KAZN: variants seen among roughly 807,000 people sequenced by gnomAD.
KAZN encodes the protein kazrin, periplakin interacting protein.
Under a neutral mutation model 87.4 loss-of-function variants are expected in KAZN, and 40 were observed. That is an observed-to-expected ratio of 0.46 (90% CI 0.36 to 0.60). The LOEUF (loss-of-function observed/expected upper bound fraction) is 0.60. Among genes scored for constraint, KAZN ranks in the 20% least tolerant of loss-of-function variants. The pLI, the probability that KAZN is intolerant of heterozygous loss-of-function variation, is 0.00. For synonymous variants in KAZN, 466 were observed against 458.3 expected, an observed-to-expected ratio of 1.02 and a Z score of -0.22; for missense variants, 898 against 1,073.9, an observed-to-expected ratio of 0.84 and a Z score of 2.29.
At chr1:14,744,648 A>T (rs1644211721) in intron 1 of KAZN, among the ~76,000 whole-genome samples, 3 of 152,164 alleles carry the variant, frequency 2.0e-5, no homozygotes, top group African/African-American at 7.2e-5. Flanking sequence ...AGGCAGGAAG[A>T]TCACTTGAGC....
At chr1:14,481,753 T>C (rs1171513979) in intron 2 of KAZN, among the ~76,000 whole-genome samples, 2 of 150,376 alleles carry the variant, frequency 1.3e-5, no homozygotes, top group Non-Finnish European at 3.0e-5. Context: ...GAGAGAGAGA[T>C]TGTGGAGAGG....
intron 2 of KAZN, among the ~76,000 whole-genome samples, chr1:14,519,713 C>A (rs1413388025): frequency 6.6e-6 from 1 of 152,058 alleles, no homozygotes. Context: ...GCCAGAGCAC[C>A]CTGGACCCTG....
At chr1:14,518,124 T>C (rs972800418) in intron 2 of KAZN, among the ~76,000 whole-genome samples, 2 of 151,748 alleles carry the variant, frequency 1.3e-5, no homozygotes, top group African/African-American at 4.8e-5. Flanking sequence ...ATGGGGTAGT[T>C]AGTCTCTGTC....
chr1:14,566,007 A>G (rs1674528446), intron 2 of KAZN, among the ~76,000 whole-genome samples: 1 of 152,236 alleles, frequency 6.6e-6, no homozygotes, highest in Non-Finnish European at 1.5e-5. Flanking sequence ...TCTCCCATGA[A>G]TTACAAATGT....
At chr1:14,721,226 T>TG (rs376154189) in intron 1 of KAZN, among the ~76,000 whole-genome samples, 51 of 152,280 alleles carry the variant, frequency 3.3e-4, no homozygotes, top group African/African-American at 1.2e-3. Flanking sequence ...AATTGAATCA[T>TG]GGGGGTGGTT....
intron 1 of KAZN, among the ~76,000 whole-genome samples, chr1:14,662,946 T>TATATA (rs1464647083): frequency 6.9e-6 from 1 of 145,078 alleles, no homozygotes; most frequent in Non-Finnish European, 1.5e-5. Flanking sequence ...TATATGTAAA[T>TATATA]ATATATATAT....
intron 1 of KAZN, among the ~76,000 whole-genome samples, chr1:14,781,587 G>A (rs1015272603): frequency 2.6e-5 from 4 of 152,208 alleles, no homozygotes; most frequent in Admixed American, 2.0e-4. Flanking sequence ...GGTCCAGATA[G>A]GAGGGGACCT....
intron 2 of KAZN, among the ~76,000 whole-genome samples, chr1:14,574,981 G>A (rs1025295291): frequency 6.6e-6 from 1 of 152,200 alleles, no homozygotes; most frequent in African/African-American, 2.4e-5. Flanking sequence ...AGCTTAAGCA[G>A]CAGGTAGAAA....
intron 1 of KAZN, among the ~76,000 whole-genome samples, chr1:14,721,869 A>G (rs1643126947): frequency 6.6e-6 from 1 of 152,176 alleles, no homozygotes; most frequent in African/African-American, 2.4e-5. Flanking sequence ...ATGGTAAGGA[A>G]TAGACCGGGT....
chr1:14,922,709 T>C lies in KAZN; in HGVS notation c.227-37975T>C, dbSNP rs149339083. On this transcript the variant is annotated intron_variant, in intron 1 of 14. Transcript: ENST00000376030. ...CAGGAGGCTGAGGCAGGAGAATCGC[T>C]TGAACCCGGGAGGCGGAAGTTGCAG... is the stretch of plus-strand genomic sequence containing the variant. Among the ~76,000 whole-genome samples the C allele has an allele frequency of 3.5e-3, 532 of 151,134 alleles. 4 individuals are homozygous for C. Among genetic ancestry groups the C allele is most frequent in the South Asian group, 0.014 (67 of 4,778 alleles).
In KAZN at chr1:14,241,826, A is replaced by G. The variant is rs184111564; in HGVS notation, c.249+61234A>G. Reference sequence around the variant, plus strand: ...CAGAAAATAAAAGAAGTTGATTTTCATAATATCTGTCTCTTAAAAAAATTC... The same window carrying G: ...CAGAAAATAAAAGAAGTTGATTTTCGTAATATCTGTCTCTTAAAAAAATTC... On this transcript the variant is annotated intron_variant, in intron 2 of 16. Coordinates refer to the KAZN transcript ENST00000636203. Among the ~76,000 whole-genome samples the G allele has an allele frequency of 4.9e-4, 74 of 152,370 alleles. No homozygotes were observed. In the East Asian group the frequency reaches 6.4e-3, roughly 13 times the overall value.
Position 14,735,060 on chromosome 1 carries a change from T to TG in KAZN, c.226+135837_226+135838insG, listed in dbSNP as rs1643856616. On this transcript the variant is annotated intron_variant, in intron 1 of 14. Coordinates refer to ENST00000376030, the MANE Select transcript of KAZN (RefSeq NM_201628.3). This position sits in a 1 kb window ranked among gnomAD's most constrained non-coding sequence, Gnocchi z 4.3. ...ACAGGATGCTAAATGGTCATGCTGGTTTTTTTTGTTTTGTTTTGAGACGGA... is the reference window on the plus strand; with the variant it reads ...ACAGGATGCTAAATGGTCATGCTGGTGTTTTTTTGTTTTGTTTTGAGACGGA... Among the ~76,000 whole-genome samples the TG allele has an allele frequency of 7.1e-6, 1 of 140,980 alleles. No homozygotes were observed. Among genetic ancestry groups the TG allele is most frequent in the African/African-American group, 3.2e-5 (1 of 31,170 alleles). 92.5% of individuals were successfully genotyped at this position (140,980 alleles called of 152,430 possible). A position where few individuals can be genotyped will look rare whatever the true frequency, so the allele number is the denominator to read the frequency against.
At chr1:14,784,374 C>A (rs1645442277) in intron 1 of KAZN, among the ~76,000 whole-genome samples, 1 of 152,112 alleles carries the variant, frequency 6.6e-6, no homozygotes, top group Non-Finnish European at 1.5e-5. Flanking sequence ...GAAAACTGAC[C>A]ATCAGAGAGG....
At chr1:14,355,756 G>A (rs930602555) in intron 2 of KAZN, among the ~76,000 whole-genome samples, 2 of 152,140 alleles carry the variant, frequency 1.3e-5, no homozygotes, top group Non-Finnish European at 2.9e-5. Flanking sequence ...CAAATGACAT[G>A]AACTCATCCT....
At chr1:14,667,678 G>T (rs1639648011) in intron 1 of KAZN, among the ~76,000 whole-genome samples, 1 of 152,118 alleles carries the variant, frequency 6.6e-6, no homozygotes, top group Admixed American at 6.5e-5. Context: ...GGGCATCCCA[G>T]TGGGAACAAT....
chr1:14,951,560 TCCACCTC>T (rs533939210), intron 1 of KAZN, among the ~76,000 whole-genome samples: 10 of 152,162 alleles, frequency 6.6e-5, no homozygotes, highest in African/African-American at 2.4e-4. Flanking sequence ...CACTGCAACC[TCCACCTC>T]CCAGGTTCAA....
intron 1 of KAZN, among the ~76,000 whole-genome samples, chr1:14,120,022 T>A (rs4662104): frequency 0.53 from 81,152 of 152,040 alleles, 22,451 homozygotes; most frequent in East Asian, 0.74. Flanking sequence ...GACTAGGAAG[T>A]ACAGGAGACA....
At chr1:14,821,035 T>C (rs1382878600) in intron 1 of KAZN, among the ~76,000 whole-genome samples, 4 of 152,202 alleles carry the variant, frequency 2.6e-5, no homozygotes, top group African/African-American at 9.7e-5. Context: ...ATTCTGATTC[T>C]GAGTCTGGAT....
chr1:14,709,546 G>T (rs927842493), intron 1 of KAZN, among the ~76,000 whole-genome samples: 1 of 152,176 alleles, frequency 6.6e-6, no homozygotes. Context: ...TCTGCAGGAA[G>T]TAAACTCTGT....
Sources: gnomAD v4.1 joint callset for allele counts (sites outside exome capture counted in the v4.1 genomes callset) on GRCh38, gnomAD v4.1.1 for gene constraint, Gnocchi (gnomAD v3.1) non-coding constraint, MANE v1.5 for transcripts, NCBI Gene and HGNC (gene_info 2026-07-23, HGNC 2026-07-21) for gene names.